AUNIP: variants seen among roughly 807,000 people sequenced by gnomAD.
AUNIP encodes the protein aurora kinase A and ninein interacting protein.
AUNIP carries 16 observed loss-of-function variants against 12.2 expected under a neutral mutation model. That is an observed-to-expected ratio of 1.31 (90% CI 0.88 to 1.99). The LOEUF is 1.99. AUNIP is among the 30% of genes most tolerant of loss of function. AUNIP has a pLI of 0.00. For missense variants in AUNIP, 411 were observed against 419.1 expected, an observed-to-expected ratio of 0.98 and a Z score of 0.17; for synonymous variants, 142 against 154.8, an observed-to-expected ratio of 0.92 and a Z score of 0.61.
intron 1 of AUNIP, among the ~76,000 whole-genome samples, chr1:25,844,455 T>C (rs886471586): frequency 6.6e-6 from 1 of 152,200 alleles, no homozygotes; most frequent in Non-Finnish European, 1.5e-5. Flanking sequence ...GCTGGGATCA[T>C]ATACATAACT....
Position 25,834,531 on chromosome 1 carries a change from C to T in AUNIP, c.*462G>A, listed in dbSNP as rs370973487. ...ATTCGGGAGGCTGAGGCAGGAGAAT[C>T]GCTTGAATCCGGGAGACAGAGGGTG... On this transcript the variant is annotated 3_prime_UTR_variant, in exon 3 of 3. Coordinates refer to ENST00000374298, the MANE Select transcript of AUNIP (RefSeq NM_024037.3). 5.1e-6 allele frequency: 4 copies of T among 788,504 alleles called. No homozygotes were observed. In the African/African-American group the frequency reaches 5.7e-5, roughly 11 times the overall value. The allele number at this position is 788,504 out of a possible 1,614,324, so 48.8% of individuals were successfully genotyped here. A position where few individuals can be genotyped will look rare whatever the true frequency, so the allele number is the denominator to read the frequency against.
At chr1:25,843,181 A>ATAT (rs1553123787) in intron 1 of AUNIP, among the ~76,000 whole-genome samples, 47 of 104,892 alleles carry the variant, frequency 4.5e-4, no homozygotes, top group African/African-American at 1.4e-3. Context: ...TCAAAAAAAA[A>ATAT]AAAAATATAT....
At chr1:25,853,262 A>G (rs940819910) in intron 1 of AUNIP, among the ~76,000 whole-genome samples, 5 of 152,192 alleles carry the variant, frequency 3.3e-5, no homozygotes, top group Admixed American at 6.6e-5. Context: ...TTAGTGTTGT[A>G]TTGCTTTGTA....
chr1:25,843,185 A>AAAATATATAT (rs1553123796), intron 1 of AUNIP, among the ~76,000 whole-genome samples: 119 of 124,962 alleles, frequency 9.5e-4, no homozygotes, highest in Non-Finnish European at 1.5e-3. Context: ...AAAAAAAAAA[A>AAAATATATAT]ATATATATAT....
At chr1:25,833,761 TA>T (rs2048274003), downstream of AUNIP, among the ~76,000 whole-genome samples, 1 of 148,228 alleles carries the variant, frequency 6.7e-6, no homozygotes, top group Non-Finnish European at 1.5e-5. Flanking sequence ...CTCAAAAAAA[TA>T]AAATTTAAGT....
Position 25,834,854 on chromosome 1 carries a change from AGAG to A in AUNIP, c.*136_*138del. On this transcript the variant is annotated 3_prime_UTR_variant, in exon 3 of 3. Transcript: ENST00000374298. ...CAATGGTACTGCCCTTTATTTACAC[AGAG>A]AAGATGCTCAGTAATGACAACTTCA... 2.0e-6 allele frequency: 3 copies of A among 1,491,352 alleles called. No homozygotes were observed. The highest frequency in any genetic ancestry group is 2.8e-5 in the African/African-American group (2 of 71,388). 92.4% of individuals were successfully genotyped at this position (1,491,352 alleles called of 1,614,324 possible). A position where few individuals can be genotyped will look rare whatever the true frequency, so the allele number is the denominator to read the frequency against.
At chr1:25,853,953 C>T (rs112573235) in intron 1 of AUNIP, among the ~76,000 whole-genome samples, 22,202 of 152,176 alleles carry the variant, frequency 0.15, 2,199 homozygotes, top group Non-Finnish European at 0.21. Context: ...CAGTGGCTCA[C>T]GCCTGTAATC....
rs375704674 is a variant in AUNIP at position 25,837,582 on chromosome 1, G to C, written c.79-28C>G. On this transcript the variant is annotated intron_variant, in intron 1 of 2. Transcript: ENST00000374298. ...GAGAAAGGAGAGAAAAAAGAATAAT[G>C]AGCCTATTAATATTAAAAGACATAC... 42 of 1,601,802 alleles carry C rather than the reference G, an allele frequency of 2.6e-5. No individual in the cohort carries two copies. The Admixed American group carries it at 2.7e-4, about 10-fold the overall frequency.
rs1371972593 is a variant in AUNIP at position 25,844,282 on chromosome 1, T to G, written c.79-6728A>C. ...CCACCATGCCCGGCTAATTTTTGTG[T>G]TTTTAGTAGAGACGAGGTTTCACCA... On this transcript the variant is annotated intron_variant, in intron 1 of 2. Coordinates refer to ENST00000374298, the MANE Select transcript of AUNIP (RefSeq NM_024037.3). Among the ~76,000 whole-genome samples, 6 of 152,102 alleles carry G rather than the reference T, an allele frequency of 3.9e-5. No individual in the cohort carries two copies. The East Asian group carries it at 1.2e-3, about 29-fold the overall frequency.
intron 1 of AUNIP, among the ~76,000 whole-genome samples, chr1:25,848,681 C>T (rs2048404440): frequency 6.6e-6 from 1 of 152,108 alleles, no homozygotes; most frequent in African/African-American, 2.4e-5. Context: ...CATGCATTAA[C>T]AGCATGACCT....
Position 25,835,293 on chromosome 1 carries a change from G to T in AUNIP, c.774C>A (p.Asn258Lys), listed in dbSNP as rs774539207. ...TACGGCTTTGTTTCACTGATTCTAT[G>T]TTTTCTCCATTCCAGGATTCCCTGT... ...QTYRESWNGE[N>K]IESVKQSRSP... Residue 258 changes from asparagine to lysine, a missense_variant, in exon 3 of 3, where the codon AAC becomes AAA. By Grantham distance (94) the Asn-to-Lys change is moderately conservative. Transcript: ENST00000374298. 5.6e-6 allele frequency: 9 copies of T among 1,614,076 alleles called. No homozygotes were observed. Among genetic ancestry groups the T allele is most frequent in the Middle Eastern group, 3.3e-4 (2 of 6,084 alleles).
intron 1 of AUNIP, among the ~76,000 whole-genome samples, chr1:25,851,463 T>A (rs557197465): frequency 9.0e-4 from 137 of 152,322 alleles, no homozygotes; most frequent in African/African-American, 3.3e-3. Context: ...CTTTAAATGT[T>A]TGGTAGAATT....
chr1:25,853,315 C>T (rs150392255), intron 1 of AUNIP, among the ~76,000 whole-genome samples: 5 of 152,214 alleles, frequency 3.3e-5, no homozygotes, highest in East Asian at 1.9e-4. Flanking sequence ...AATAAACATT[C>T]GGCCGGCGTG....
rs537141539 is a variant in AUNIP, at chr1:25,837,410, T to C, written c.220+3A>G. ...TGAAGTATTCCCATATGGGTCACCA[T>C]ACCTGGCTGCAAGGTGAAGAAGGAA... On this transcript the variant is annotated splice_donor_region_variant and intron_variant, in intron 2 of 2. Coordinates refer to ENST00000374298, the MANE Select transcript of AUNIP (RefSeq NM_024037.3). The C allele has an allele frequency of 5.0e-6, 8 of 1,613,280 alleles. No individual in the cohort carries two copies. The African/African-American group carries it at 8.0e-5, about 16-fold the overall frequency.
Position 25,859,450 on chromosome 1 carries a change from G to T in AUNIP, c.-93C>A, listed in dbSNP as rs550061077. Reference sequence around the variant, plus strand: ...CCGCGGCCGCCGACGTTCGGATCTCGCGCCAACGCTGGGGGCGGGGCTACG... The same window carrying T: ...CCGCGGCCGCCGACGTTCGGATCTCTCGCCAACGCTGGGGGCGGGGCTACG... On this transcript the variant is annotated 5_prime_UTR_variant, in exon 1 of 3. Transcript: ENST00000374298. 4 of 1,204,768 alleles carry T rather than the reference G, an allele frequency of 3.3e-6. No homozygotes were observed. The highest frequency in any genetic ancestry group is 3.3e-6 in the Non-Finnish European group (3 of 912,040). 74.6% of individuals were successfully genotyped at this position (1,204,768 alleles called of 1,614,324 possible).
chr1:25,855,855 G>A (rs962041516), intron 1 of AUNIP, among the ~76,000 whole-genome samples: 1 of 152,148 alleles, frequency 6.6e-6, no homozygotes, highest in African/African-American at 2.4e-5. Context: ...TAATAGTCAG[G>A]AACCAAAGAT....
rs777711727 is a variant in AUNIP at position 25,835,704 on chromosome 1, A to AGTG, written c.360_362dup (p.Thr121dup). 1 of 1,614,244 alleles carries AGTG rather than the reference A, an allele frequency of 6.2e-7. No homozygotes were observed. The highest frequency in any genetic ancestry group is 1.3e-5 in the African/African-American group (1 of 75,058). Reference sequence around the variant, plus strand: ...CTTCCTGGATGTCTGCAGTGGTTGAAGTGGCTAAAGGGGATGCCATGCAAT... The same window carrying AGTG: ...CTTCCTGGATGTCTGCAGTGGTTGAAGTGGTGGCTAAAGGGGATGCCATGCAAT... On this transcript the variant is annotated inframe_insertion, in exon 3 of 3. Transcript: ENST00000374298.
At chr1:25,841,210 C>A (rs760280193) in intron 1 of AUNIP, among the ~76,000 whole-genome samples, 8 of 152,184 alleles carry the variant, frequency 5.3e-5, no homozygotes, top group Non-Finnish European at 1.0e-4. Context: ...ACTGTTATGA[C>A]TGTGTGAGAA....
downstream of AUNIP, chr1:25,831,974 T>C: frequency 6.2e-7 from 1 of 1,614,240 alleles, no homozygotes; most frequent in African/African-American, 1.3e-5. Flanking sequence ...TCTGAGGTCC[T>C]AAGGAGGAAG....
Sources: allele counts gnomAD v4.1 joint callset (sites outside exome capture counted in the v4.1 genomes callset), GRCh38; gene constraint gnomAD v4.1.1; transcripts MANE v1.5; gene names NCBI Gene and HGNC (gene_info 2026-07-23, HGNC 2026-07-21).